The following ADRA1A variants were observed in gnomAD, a reference collection of about 807,000 sequenced individuals.
ADRA1A encodes the protein adrenoceptor alpha 1A.
Under a neutral mutation model 29.6 loss-of-function variants are expected in ADRA1A, and 31 were observed. That is an observed-to-expected ratio of 1.05 (90% confidence interval 0.79 to 1.41). The LOEUF is 1.41. ADRA1A is among the 40% of genes most tolerant of loss of function. ADRA1A has a pLI of 0.00. For missense variants in ADRA1A, 619 were observed against 601.1 expected (o/e 1.03, Z -0.31); for synonymous variants, 311 against 254.3 (o/e 1.22, Z -2.12).
intron 2 of ADRA1A, among the ~76,000 whole-genome samples, chr8:26,820,435 G>GA (rs1363399187): frequency 1.3e-5 from 2 of 151,976 alleles, no homozygotes; most frequent in Non-Finnish European, 2.9e-5. Context: ...AATAGTGCTG[G>GA]AAAAAAAGTG....
At position 26,831,119 on chromosome 8, in the gene ADRA1A, A is replaced by G. The variant is rs960256655; in HGVS notation, c.883+32968T>C. ...ATCACAGTCTCTGGAGCTGTAACCT[A>G]ATCACATATCCTTGGCAGCAAAGGC... On this transcript the variant is annotated intron_variant, in intron 2 of 2. Coordinates refer to ENST00000380573, the MANE Select transcript of ADRA1A (RefSeq NM_000680.4). This position sits in a 1 kb window ranked among gnomAD's most constrained non-coding sequence, Gnocchi z 5.2. Among the ~76,000 whole-genome samples, 3 of 152,150 alleles carry G rather than the reference A, an allele frequency of 2.0e-5. No homozygotes were observed. Among genetic ancestry groups the G allele is most frequent in the African/African-American group, 4.8e-5 (2 of 41,426 alleles).
rs549762240 is a variant in ADRA1A, at chr8:26,802,061, A to G, written c.884-31395T>C. ...TCCATATGCAGAAGAATTAAACCAGACCCTTATCTCTTGCAATATACAAAA... is the reference window on the plus strand; with the variant it reads ...TCCATATGCAGAAGAATTAAACCAGGCCCTTATCTCTTGCAATATACAAAA... On this transcript the variant is annotated intron_variant, in intron 2 of 2. Coordinates refer to ENST00000380573, the MANE Select transcript of ADRA1A (RefSeq NM_000680.4). Among the ~76,000 whole-genome samples the G allele has an allele frequency of 3.9e-5, 6 of 152,294 alleles. No individual in the cohort carries two copies. In the South Asian group the frequency reaches 1.2e-3, roughly 32 times the overall value.
Position 26,769,438 on chromosome 8 carries a change from C to G in ADRA1A, c.*711G>C. The stretch of plus-strand genomic sequence containing the variant: ...TTTCTCTTGGGAAAAGCCATACCAC[C>G]CTGGTTGGTTCTTTCAACCCTCTCC... On this transcript the variant is annotated 3_prime_UTR_variant, in exon 3 of 3. Transcript: ENST00000380573. 1.0e-6 allele frequency: 1 copy of G among 985,310 alleles called. No homozygotes were observed. The highest frequency in any genetic ancestry group is 1.2e-6 in the Non-Finnish European group (1 of 829,914). The allele number at this position is 985,310 out of a possible 1,614,324, so 61.0% of individuals were successfully genotyped here. A position where few individuals can be genotyped will look rare whatever the true frequency, so the allele number is the denominator to read the frequency against.
chr8:26,847,229 TAAAAA>T (rs540215540), intron 2 of ADRA1A, among the ~76,000 whole-genome samples: 1 of 149,544 alleles, frequency 6.7e-6, no homozygotes. Flanking sequence ...TAATAATAAA[TAAAAA>T]AAAGAAACAA....
At chr8:26,751,628 C>T (rs1033150246), downstream of ADRA1A, among the ~76,000 whole-genome samples, 26 of 152,292 alleles carry the variant, frequency 1.7e-4, no homozygotes, top group Non-Finnish European at 2.8e-4. Flanking sequence ...CCACACATAT[C>T]TCAGAAAAGT....
chr8:26,807,250 G>A lies in ADRA1A; in HGVS notation c.884-36584C>T, dbSNP rs188179322. Among the ~76,000 whole-genome samples, 183 of 152,318 alleles carry A rather than the reference G, an allele frequency of 1.2e-3. 1 individual carries two copies. Among genetic ancestry groups the A allele is most frequent in the African/African-American group, 4.3e-3 (178 of 41,572 alleles). On this transcript the variant is annotated intron_variant, in intron 2 of 2. Coordinates refer to ENST00000380573, the MANE Select transcript of ADRA1A (RefSeq NM_000680.4). ...GTCTCCCCTTCTTTATCAATGTCATGAGGGTGATCATACTGATTTTCAGAT... is the reference window on the plus strand; with the variant it reads ...GTCTCCCCTTCTTTATCAATGTCATAAGGGTGATCATACTGATTTTCAGAT...
chr8:26,842,106 G>A (rs1473940495), intron 2 of ADRA1A, among the ~76,000 whole-genome samples: 1 of 152,030 alleles, frequency 6.6e-6, no homozygotes, highest in Non-Finnish European at 1.5e-5. Flanking sequence ...TGATCTCTAG[G>A]TCAACCCTGT....
At chr8:26,817,374 C>T (rs115485659) in intron 2 of ADRA1A, among the ~76,000 whole-genome samples, 201 of 152,202 alleles carry the variant, frequency 1.3e-3, no homozygotes, top group Admixed American at 1.6e-3. Flanking sequence ...AAAACCAAAA[C>T]GAAAACAAGA....
At chr8:26,761,873 A>G (rs1805521689), downstream of ADRA1A, among the ~76,000 whole-genome samples, 1 of 152,226 alleles carries the variant, frequency 6.6e-6, no homozygotes. Context: ...TTCCAGTAGC[A>G]GATGGGCTGC....
Position 26,796,825 on chromosome 8 carries a change from CA to C in ADRA1A, c.884-26160del, listed in dbSNP as rs572424150. On this transcript the variant is annotated intron_variant, in intron 2 of 2. Coordinates refer to ENST00000380573, the MANE Select transcript of ADRA1A (RefSeq NM_000680.4). The surrounding 1 kb of genome is among the most constrained non-coding windows in gnomAD (Gnocchi z 5.0). ...AGGCAGCCTCTGTAATGTGTGACCACAGGAAGCTTTTGCATATGGCTTTGTT... is the reference window on the plus strand; with the variant it reads ...AGGCAGCCTCTGTAATGTGTGACCACGGAAGCTTTTGCATATGGCTTTGTT... Among the ~76,000 whole-genome samples, 287 of 152,210 alleles carry C rather than the reference CA, an allele frequency of 1.9e-3. No homozygotes were observed. The highest frequency in any genetic ancestry group is 2.9e-3 in the Non-Finnish European group (200 of 67,996).
rs760261856 is a variant in ADRA1A, at chr8:26,770,589, T to C, written c.961A>G (p.Ile321Val). The change falls in exon 3 of 3, where the codon ATC (isoleucine) becomes GTC (valine). Residue 321 changes from isoleucine (I) to valine (V), a missense_variant. Coordinates refer to ENST00000380573, the MANE Select transcript of ADRA1A (RefSeq NM_000680.4). ...GAGCATGGGTATATGATGGGGTTGA[T>C]GCAGCTGTTTAGATATCCGAGCCAA... The part of the protein sequence containing the change: ...VFWLGYLNSC[I>V]NPIIYPCSSQ... 1.1e-5 allele frequency: 18 copies of C among 1,614,122 alleles called. No individual in the cohort carries two copies. Among genetic ancestry groups the C allele is most frequent in the Non-Finnish European group, 1.4e-5 (17 of 1,180,050 alleles).
Position 26,860,359 on chromosome 8 carries a change from G to A in ADRA1A, c.883+3728C>T, listed in dbSNP as rs1033344240. On this transcript the variant is annotated intron_variant, in intron 2 of 2. Transcript: ENST00000380573. This position sits in a 1 kb window ranked among gnomAD's most constrained non-coding sequence, Gnocchi z 4.7. Reference sequence around the variant, plus strand: ...GCTGTGGATGCTCCCTAACCTGACCGAGTCTGTGTCTCTTCACACACACAC... The same window carrying A: ...GCTGTGGATGCTCCCTAACCTGACCAAGTCTGTGTCTCTTCACACACACAC... 6.6e-6 allele frequency among the ~76,000 whole-genome samples: 1 copy of A among 152,054 alleles called. No homozygotes were observed. Among genetic ancestry groups the A allele is most frequent in the African/African-American group, 2.4e-5 (1 of 41,388 alleles).
Position 26,865,138 on chromosome 8 carries a change from C to A in ADRA1A, c.-169G>T. ...GCGCGCGGGTGGGAAACAACCCTGG[C>A]CAGCCCTGGGAACCCTCAGAAGGCC... On this transcript the variant is annotated 5_prime_UTR_variant, in exon 2 of 3. Coordinates refer to ENST00000380573, the MANE Select transcript of ADRA1A (RefSeq NM_000680.4). The surrounding 1 kb of genome is among the most constrained non-coding windows in gnomAD (Gnocchi z 7.6). 1 of 1,450,618 alleles carries A rather than the reference C, an allele frequency of 6.9e-7. No individual in the cohort carries two copies. Among genetic ancestry groups the A allele is most frequent in the Non-Finnish European group, 9.0e-7 (1 of 1,109,166 alleles). 89.9% of individuals were successfully genotyped at this position (1,450,618 alleles called of 1,614,324 possible). A position where few individuals can be genotyped will look rare whatever the true frequency, so the allele number is the denominator to read the frequency against.
At chr8:26,756,469 A>C in exon 3 of ADRA1A, 1 of 1,476,516 alleles carries the variant, frequency 6.8e-7, no homozygotes, top group Non-Finnish European at 9.0e-7. Flanking sequence ...GTTGTATGAA[A>C]CTGATTTACA....
intron 2 of ADRA1A, among the ~76,000 whole-genome samples, chr8:26,803,045 C>T (rs34444440): frequency 0.084 from 12,780 of 151,906 alleles, 846 homozygotes; most frequent in East Asian, 0.33. Flanking sequence ...CTCATGGAGA[C>T]AGAGAGTAGA....
At chr8:26,783,571 CA>C (rs1391127176) in intron 2 of ADRA1A, among the ~76,000 whole-genome samples, 3 of 152,164 alleles carry the variant, frequency 2.0e-5, no homozygotes, top group African/African-American at 7.2e-5. Flanking sequence ...GACAATGATT[CA>C]GAAAGTTTTG....
Position 26,821,807 on chromosome 8 carries a change from A to G in ADRA1A, c.883+42280T>C, listed in dbSNP as rs1464608193. 6.6e-6 allele frequency among the ~76,000 whole-genome samples: 1 copy of G among 152,156 alleles called. No individual in the cohort carries two copies. The highest frequency in any genetic ancestry group is 1.5e-5 in the Non-Finnish European group (1 of 68,032). ...TCACTAATCTGTTCTCTATTTCTAT[A>G]ATTTTGTCATTTCAAGAATGTTATG... is the stretch of plus-strand genomic sequence containing the variant. On this transcript the variant is annotated intron_variant, in intron 2 of 2. Transcript: ENST00000380573. This position sits in a 1 kb window ranked among gnomAD's most constrained non-coding sequence, Gnocchi z 5.6.
At chr8:26,801,243 C>T (rs748644622) in intron 2 of ADRA1A, among the ~76,000 whole-genome samples, 60 of 151,960 alleles carry the variant, frequency 3.9e-4, no homozygotes, top group Non-Finnish European at 7.4e-4. Context: ...CTTTCACTGC[C>T]GTTATTTAAC....
chr8:26,765,881 A>G (rs1181023447), downstream of ADRA1A: 1 of 1,415,454 alleles, frequency 7.1e-7, no homozygotes, highest in Non-Finnish European at 9.2e-7. Context: ...GCCCAAGCAA[A>G]TAGTTCCTAA....
Sources: gnomAD v4.1 joint callset for allele counts (sites outside exome capture counted in the v4.1 genomes callset) on GRCh38, gnomAD v4.1.1 for gene constraint, Gnocchi (gnomAD v3.1) non-coding constraint, MANE v1.5 for transcripts, NCBI Gene and HGNC (gene_info 2026-07-23, HGNC 2026-07-21) for gene names.